Variants in ACVR1 observed in about 807,000 individuals in gnomAD.
The protein encoded by ACVR1 is activin A receptor type 1.
A neutral mutation model predicts 57.1 loss-of-function variants in ACVR1; 38 were observed. The observed-to-expected ratio is 0.67, with a 90% CI of 0.51 to 0.87. The LOEUF is 0.87. Among genes scored for constraint, ACVR1 ranks in the 40% least tolerant of loss-of-function variants. The pLI is 0.00. For missense variants in ACVR1, 463 were observed against 638.2 expected (o/e 0.73, Z 2.96); for synonymous variants, 212 against 228.1 (o/e 0.93, Z 0.63).
intron 9 of ACVR1, among the ~76,000 whole-genome samples, chr2:157,743,487 A>G (rs1447553675): frequency 6.6e-6 from 1 of 152,082 alleles, no homozygotes; most frequent in African/African-American, 2.4e-5. Flanking sequence ...AGTGTATTAC[A>G]GACACTAGAT....
intron 2 of ACVR1, among the ~76,000 whole-genome samples, chr2:157,800,452 A>ACC (rs1255426572): frequency 1.3e-5 from 2 of 151,496 alleles, no homozygotes; most frequent in Admixed American, 6.6e-5. Context: ...ACACAGTGAG[A>ACC]CCCCATCTCT....
chr2:157,747,098 TATA>T, intron 9 of ACVR1, among the ~76,000 whole-genome samples: 1 of 152,218 alleles, frequency 6.6e-6, no homozygotes, highest in East Asian at 1.9e-4. Flanking sequence ...GATGTATCAT[TATA>T]ATGACCTTCC....
intron 9 of ACVR1, among the ~76,000 whole-genome samples, chr2:157,757,983 T>A (rs924889378): frequency 7.9e-5 from 12 of 151,734 alleles, no homozygotes; most frequent in African/African-American, 2.4e-4. Flanking sequence ...CACCTATAAA[T>A]AATAATTTTG....
At chr2:157,825,343 G>T (rs1377489866) in intron 1 of ACVR1, among the ~76,000 whole-genome samples, 1 of 152,018 alleles carries the variant, frequency 6.6e-6, no homozygotes, top group Non-Finnish European at 1.5e-5. Context: ...CAGGTCTGTG[G>T]TGGTTCCATG....
intron 1 of ACVR1, among the ~76,000 whole-genome samples, chr2:157,864,347 T>A (rs6437116): frequency 0.96 from 146,438 of 152,028 alleles, 70,765 homozygotes; most frequent in East Asian, 1. Flanking sequence ...AGTAGCTGGG[T>A]CTACAGCCAC....
chr2:157,792,810 T>C (rs748425526), intron 3 of ACVR1, among the ~76,000 whole-genome samples: 2 of 152,236 alleles, frequency 1.3e-5, no homozygotes, highest in Non-Finnish European at 2.9e-5. Flanking sequence ...GTGGGCACTA[T>C]CTATGCAGTG....
intron 3 of ACVR1, among the ~76,000 whole-genome samples, chr2:157,793,816 GCAC>G (rs1434471064): frequency 1.3e-5 from 2 of 152,110 alleles, no homozygotes; most frequent in Non-Finnish European, 2.9e-5. Flanking sequence ...GCAAAGAGGG[GCAC>G]CTTTGTAACC....
chr2:157,857,904 G>C (rs888861104), intron 1 of ACVR1, among the ~76,000 whole-genome samples: 1 of 152,084 alleles, frequency 6.6e-6, no homozygotes, highest in Non-Finnish European at 1.5e-5. Flanking sequence ...GTGAATGTGT[G>C]AATGCTCCTT....
chr2:157,781,579 C>T (rs1373804371), intron 3 of ACVR1, among the ~76,000 whole-genome samples: 1 of 152,086 alleles, frequency 6.6e-6, no homozygotes, highest in African/African-American at 2.4e-5. Flanking sequence ...ACCAAGAGAA[C>T]CGAATAATGT....
rs185147324 is a variant in ACVR1, at chr2:157,738,837, C to A, written c.1265-267G>T. ...CTTCTCATGTAATCATAACTATTAG[C>A]AAAATTCTCCAACAGTGTATATTAA... On this transcript the variant is annotated intron_variant, in intron 9 of 10. Transcript: ENST00000434821. Among the ~76,000 whole-genome samples, 146 of 152,286 alleles carry A rather than the reference C, an allele frequency of 9.6e-4. 1 individual carries two copies. Among genetic ancestry groups the A allele is most frequent in the Non-Finnish European group, 1.8e-3 (122 of 68,020 alleles).
intron 9 of ACVR1, among the ~76,000 whole-genome samples, chr2:157,739,747 T>C (rs1276392869): frequency 1.3e-5 from 2 of 152,196 alleles, no homozygotes; most frequent in Non-Finnish European, 2.9e-5. Flanking sequence ...TCCTTACAAA[T>C]TCCATACAAA....
At chr2:157,856,387 G>A (rs1224257752) in intron 1 of ACVR1, among the ~76,000 whole-genome samples, 1 of 152,092 alleles carries the variant, frequency 6.6e-6, no homozygotes, top group African/African-American at 2.4e-5. Flanking sequence ...TCCCAGTTCT[G>A]TATTCTCTTT....
At chr2:157,764,534 A>C (rs1349303376) in intron 8 of ACVR1, among the ~76,000 whole-genome samples, 1 of 151,968 alleles carries the variant, frequency 6.6e-6, no homozygotes, top group Non-Finnish European at 1.5e-5. Context: ...GCAAGTTTCT[A>C]ACAACGCAGA....
At chr2:157,776,837 C>T (rs1686307367) in intron 5 of ACVR1, among the ~76,000 whole-genome samples, 1 of 152,210 alleles carries the variant, frequency 6.6e-6, no homozygotes, top group South Asian at 2.1e-4. Flanking sequence ...AGCTTGCTGT[C>T]TAGCAGAACA....
intron 1 of ACVR1, among the ~76,000 whole-genome samples, chr2:157,863,994 G>A (rs1211981884): frequency 6.6e-6 from 1 of 150,982 alleles, no homozygotes. Context: ...CGAGTAGCTG[G>A]GACTAGATGC....
chr2:157,855,323 T>TATACACAC (rs368753827), intron 1 of ACVR1, among the ~76,000 whole-genome samples: 6 of 108,556 alleles, frequency 5.5e-5, no homozygotes, highest in Non-Finnish European at 5.2e-5. Context: ...TATATATATA[T>TATACACAC]ACACACACAC....
chr2:157,761,135 T>C, intron 8 of ACVR1, 58 bp from the exon 9 acceptor site: 1 of 1,579,752 alleles, frequency 6.3e-7, no homozygotes, highest in Non-Finnish European at 8.6e-7. Flanking sequence ...AAGAGGCTGC[T>C]GAAGGATTTT....
chr2:157,829,919 A>G (rs1012637074), intron 1 of ACVR1, among the ~76,000 whole-genome samples: 1 of 152,242 alleles, frequency 6.6e-6, no homozygotes, highest in African/African-American at 2.4e-5. Flanking sequence ...ATAGTCATAA[A>G]CAATAGGCCA....
intron 6 of ACVR1, among the ~76,000 whole-genome samples, chr2:157,771,469 A>G (rs1454383079): frequency 6.6e-6 from 1 of 152,294 alleles, no homozygotes; most frequent in East Asian, 1.9e-4. Flanking sequence ...AATTACCACA[A>G]GACTATGAGG....
Sources: gnomAD v4.1 joint callset for allele counts (sites outside exome capture counted in the v4.1 genomes callset) on GRCh38, gnomAD v4.1.1 for gene constraint, MANE v1.5 for transcripts, NCBI Gene and HGNC (gene_info 2026-07-23, HGNC 2026-07-21) for gene names.